Variants in MORN1 observed in about 807,000 individuals in gnomAD.
MORN1 encodes MORN repeat-containing protein 1.
MORN1 carries 67 observed loss-of-function variants against 61.9 expected under a neutral mutation model. The ratio of observed to expected loss-of-function variants is 1.08; its 90% CI spans 0.89 to 1.33. MORN1 has a LOEUF of 1.33. Ranked by LOEUF, MORN1 falls within the 40% of genes most tolerant of loss-of-function variation. The pLI, the probability that MORN1 is intolerant of heterozygous loss-of-function variation, is 0.00. For missense variants in MORN1, 752 were observed against 691.2 expected (o/e 1.09, Z -0.99); for synonymous variants, 301 against 292.0 (o/e 1.03, Z -0.31).
At chr1:2,341,670 A>G (rs1285764285) in intron 10 of MORN1, among the ~76,000 whole-genome samples, 1 of 150,388 alleles carries the variant, frequency 6.6e-6, no homozygotes, top group African/African-American at 2.5e-5. Context: ...CAGCCTGGCC[A>G]CAGAGCGAGA....
At chr1:2,330,217 C>T (rs1348765990) in intron 12 of MORN1, among the ~76,000 whole-genome samples, 4 of 152,218 alleles carry the variant, frequency 2.6e-5, no homozygotes. Context: ...GACTCACGCT[C>T]AGAGAACGGA....
chr1:2,387,200 C>T (rs1642522046), intron 4 of MORN1: 2 of 585,702 alleles, frequency 3.4e-6, no homozygotes, highest in Non-Finnish European at 3.1e-6. Context: ...GATGACAGAG[C>T]TGCATCAAGC....
intron 10 of MORN1, among the ~76,000 whole-genome samples, chr1:2,353,112 G>C (rs2100294698): frequency 6.6e-6 from 1 of 152,362 alleles, no homozygotes; most frequent in East Asian, 1.9e-4. Context: ...TCTTTGCATG[G>C]GTCTGGCCAG....
chr1:2,390,426 G>A (rs1269679680), intron 1 of MORN1: 1 of 985,292 alleles, frequency 1.0e-6, no homozygotes, highest in Non-Finnish European at 1.2e-6. Context: ...TGGCCCTTCA[G>A]TGGCCTCCTA....
At chr1:2,323,312 G>C in intron 13 of MORN1, 1 of 985,432 alleles carries the variant, frequency 1.0e-6, no homozygotes, top group Non-Finnish European at 1.2e-6. Context: ...GCCAGAGGCA[G>C]CTCCACGGTG....
intron 6 of MORN1, among the ~76,000 whole-genome samples, chr1:2,380,586 C>T (rs2100357131): frequency 6.6e-6 from 1 of 152,268 alleles, no homozygotes; most frequent in Non-Finnish European, 1.5e-5. Context: ...CTCTGTCACC[C>T]AGGCTGGAGT....
At chr1:2,388,783 A>C (rs1335646454) in intron 2 of MORN1, among the ~76,000 whole-genome samples, 1 of 149,292 alleles carries the variant, frequency 6.7e-6, no homozygotes, top group South Asian at 2.1e-4. Context: ...CTCAAAAAAA[A>C]AAAAAAAAAA....
At chr1:2,325,112 C>CCCTTCCTTCCCTTCCTTCCCTCCCTT (rs1640979159) in intron 12 of MORN1, among the ~76,000 whole-genome samples, 1 of 67,110 alleles carries the variant, frequency 1.5e-5, no homozygotes, top group African/African-American at 9.4e-5. Context: ...CCCTTTCCTT[C>CCCTTCCTTCCCTTCCTTCCCTCCCTT]CCTTCCTTCC....
rs548387216 is a variant in MORN1, at chr1:2,348,852, C to T, written c.1036+8580G>A. Among the ~76,000 whole-genome samples the T allele has an allele frequency of 3.8e-3, 575 of 152,264 alleles. 3 individuals are homozygous for T. Among genetic ancestry groups the T allele is most frequent in the African/African-American group, 0.013 (539 of 41,532 alleles). On this transcript the variant is annotated intron_variant, in intron 10 of 13. Transcript: ENST00000378531. ...ACGCACACGCACACCTGCGCGGGCA[C>T]GCACAGTCATGTGCACGCACACACA...
At chr1:2,335,127 C>T (rs934979437) in intron 12 of MORN1, among the ~76,000 whole-genome samples, 7 of 152,222 alleles carry the variant, frequency 4.6e-5, no homozygotes, top group East Asian at 1.9e-4. Flanking sequence ...CAGAGGGCGG[C>T]GCCTCCCCCA....
intron 10 of MORN1, among the ~76,000 whole-genome samples, chr1:2,341,692 G>GAA (rs68071614): frequency 2.2e-5 from 3 of 133,782 alleles, no homozygotes; most frequent in Non-Finnish European, 4.9e-5. Context: ...TCCGTCTCAA[G>GAA]AAAAAAAAAA....
At chr1:2,323,200 G>A (rs1480788916) in intron 13 of MORN1, 4 of 985,292 alleles carry the variant, frequency 4.1e-6, no homozygotes, top group East Asian at 1.1e-4. Flanking sequence ...GACACCGCGT[G>A]GCACTCCAGC....
Position 2,384,967 on chromosome 1 carries a change from C to T in MORN1, c.537+11G>A, listed in dbSNP as rs1226945157. 3 of 1,550,992 alleles carry T rather than the reference C, an allele frequency of 1.9e-6. No homozygotes were observed. The highest frequency in any genetic ancestry group is 2.6e-6 in the Non-Finnish European group (3 of 1,146,864). On this transcript the variant is annotated intron_variant, in intron 6 of 13. Transcript: ENST00000378531. ...CCCTCTGGGCAGCAGGTGCCGCGCG[C>T]CCCCGGGTACCTTGTAGGTGGAGCC...
chr1:2,359,284 G>C (rs1166039794), intron 8 of MORN1, among the ~76,000 whole-genome samples: 2 of 152,164 alleles, frequency 1.3e-5, no homozygotes, highest in East Asian at 3.9e-4. Context: ...CCCAGCACAG[G>C]GCCTGGCACA....
intron 12 of MORN1, among the ~76,000 whole-genome samples, chr1:2,325,795 A>C (rs113493865): frequency 2.1e-4 from 31 of 144,994 alleles, no homozygotes; most frequent in African/African-American, 7.8e-4. Flanking sequence ...CTACTTTTTA[A>C]ATTTTTTTGT....
At chr1:2,369,513 A>G (rs976207810) in intron 8 of MORN1, among the ~76,000 whole-genome samples, 4 of 152,134 alleles carry the variant, frequency 2.6e-5, no homozygotes, top group African/African-American at 9.7e-5. Flanking sequence ...TTATTTATAA[A>G]CAATATGATC....
chr1:2,368,021 CAAAAAG>C (rs1457149866), intron 8 of MORN1, among the ~76,000 whole-genome samples: 1 of 152,046 alleles, frequency 6.6e-6, no homozygotes, highest in African/African-American at 2.4e-5. Context: ...TCAAAAGCAA[CAAAAAG>C]AAAAAGAGAG....
intron 8 of MORN1, among the ~76,000 whole-genome samples, chr1:2,359,402 G>C (rs1641845184): frequency 6.6e-6 from 1 of 152,246 alleles, no homozygotes; most frequent in African/African-American, 2.4e-5. Flanking sequence ...TGCCCAAGGA[G>C]TGGACACCAC....
intron 6 of MORN1, chr1:2,378,645 C>A (rs1016309254): frequency 3.3e-6 from 1 of 298,974 alleles, no homozygotes; most frequent in Non-Finnish European, 6.6e-6. Flanking sequence ...CAGGGATGCC[C>A]GGAGGGCCGC....
Sources: allele counts gnomAD v4.1 joint callset (sites outside exome capture counted in the v4.1 genomes callset), GRCh38; gene constraint gnomAD v4.1.1; transcripts MANE v1.5; gene names NCBI Gene and HGNC (gene_info 2026-07-23, HGNC 2026-07-21).